Variants in FRMD4A observed in about 807,000 individuals in gnomAD.
FRMD4A encodes the protein FERM domain containing 4A, also known as FERM domain-containing protein 4A.
Under a neutral mutation model 129.1 loss-of-function variants are expected in FRMD4A, and 29 were observed. The observed-to-expected ratio is 0.22, with a 90% CI of 0.17 to 0.31. The LOEUF is 0.31. FRMD4A is among the 10% of genes least tolerant of loss of function. FRMD4A has a pLI of 1.00. For missense variants in FRMD4A, 1,272 were observed against 1,375.8 expected (o/e 0.92, Z 1.19); for synonymous variants, 634 against 571.6 (o/e 1.11, Z -1.56).
At chr10:13,918,627 C>T (rs1053886355) in intron 2 of FRMD4A, among the ~76,000 whole-genome samples, 14 of 152,014 alleles carry the variant, frequency 9.2e-5, no homozygotes, top group Admixed American at 6.6e-4. Flanking sequence ...CTTCCGGATT[C>T]AAGTGATTCT....
chr10:14,095,427 C>A lies in FRMD4A; in HGVS notation c.45+234631G>T, dbSNP rs546695627. On this transcript the variant is annotated intron_variant, in intron 2 of 24. Coordinates refer to ENST00000357447, the MANE Select transcript of FRMD4A (RefSeq NM_018027.5). ...CACTGGGCCACTCACTGATTTGATGCCATTTTTATTGTAATTTACAGTTGT... is the reference window on the plus strand; with the variant it reads ...CACTGGGCCACTCACTGATTTGATGACATTTTTATTGTAATTTACAGTTGT... Among the ~76,000 whole-genome samples the A allele has an allele frequency of 9.8e-5, 15 of 152,314 alleles. No individual in the cohort carries two copies. The South Asian group carries it at 2.9e-3, about 29-fold the overall frequency.
At chr10:14,117,386 G>C (rs372558432) in intron 2 of FRMD4A, among the ~76,000 whole-genome samples, 31 of 152,370 alleles carry the variant, frequency 2.0e-4, no homozygotes, top group African/African-American at 7.0e-4. Flanking sequence ...GCAACAACCT[G>C]TTGGCCTCCC....
In FRMD4A at chr10:13,663,448, C is replaced by T; in HGVS notation, c.1660+5G>A. ...GGTTTGTAAGCAGGAAATGCATAAA[C>T]CTACCATCCTCAAGAACAAGGGCAT... is the stretch of plus-strand genomic sequence containing the variant. On this transcript the variant is annotated splice_donor_5th_base_variant and intron_variant, in intron 19 of 24. Transcript: ENST00000357447. 1 of 1,435,172 alleles carries T rather than the reference C, an allele frequency of 7.0e-7. No homozygotes were observed. The highest frequency in any genetic ancestry group is 9.8e-7 in the Non-Finnish European group (1 of 1,016,372). The allele number at this position is 1,435,172 out of a possible 1,614,324, so 88.9% of individuals were successfully genotyped here.
Position 13,704,706 on chromosome 10 carries a change from C to T in FRMD4A, c.836+2331G>A, listed in dbSNP as rs536402622. Among the ~76,000 whole-genome samples the T allele has an allele frequency of 3.9e-5, 6 of 152,296 alleles. No homozygotes were observed. The South Asian group carries it at 1.2e-3, about 32-fold the overall frequency. On this transcript the variant is annotated intron_variant, in intron 13 of 24. Coordinates refer to ENST00000357447, the MANE Select transcript of FRMD4A (RefSeq NM_018027.5). ...CAGACCTCCTAGGTTCAAATCCTGC[C>T]TCTCCTGTATACTAGCTACTTGTCG...
At chr10:13,706,840 C>T (rs142543973) in intron 13 of FRMD4A, among the ~76,000 whole-genome samples, 197 bp downstream of exon 13, 3 of 151,706 alleles carry the variant, frequency 2.0e-5, no homozygotes, top group Non-Finnish European at 4.4e-5. Context: ...CACACACGTG[C>T]GAACCCACTG....
intron 2 of FRMD4A, among the ~76,000 whole-genome samples, chr10:14,157,381 C>T (rs1233065645): frequency 1.3e-5 from 2 of 152,234 alleles, no homozygotes; most frequent in African/African-American, 4.8e-5. Flanking sequence ...ATACCACCAA[C>T]CACGGCACGA....
chr10:13,722,820 C>T (rs2089550043), intron 12 of FRMD4A, among the ~76,000 whole-genome samples: 1 of 152,252 alleles, frequency 6.6e-6, no homozygotes, highest in African/African-American at 2.4e-5. Flanking sequence ...TTAGACAGAT[C>T]TCCATGCTGG....
intron 4 of FRMD4A, among the ~76,000 whole-genome samples, chr10:13,800,508 C>T (rs1044360096): frequency 1.3e-5 from 2 of 152,102 alleles, no homozygotes; most frequent in Non-Finnish European, 2.9e-5. Context: ...CTCTGGCCAC[C>T]AGCTCAAAGA....
intron 3 of FRMD4A, among the ~76,000 whole-genome samples, chr10:13,845,488 C>T (rs1379374690): frequency 6.6e-6 from 1 of 152,164 alleles, no homozygotes. Context: ...ATAATAGCAC[C>T]ATAAATTATG....
intron 2 of FRMD4A, among the ~76,000 whole-genome samples, chr10:14,031,161 C>T (rs1011990849): frequency 1.3e-5 from 2 of 152,144 alleles, no homozygotes; most frequent in Admixed American, 6.5e-5. Context: ...CAGGAATGAT[C>T]GCCTGGGCTT....
chr10:14,134,254 T>TGGATGGATGGAC (rs1839415166), intron 2 of FRMD4A, among the ~76,000 whole-genome samples: 1 of 130,714 alleles, frequency 7.7e-6, no homozygotes, highest in Non-Finnish European at 1.5e-5. Flanking sequence ...AAAGAATGGA[T>TGGATGGATGGAC]GGATGGATGG....
chr10:13,990,356 A>C (rs2095599009), intron 2 of FRMD4A, among the ~76,000 whole-genome samples: 2 of 152,070 alleles, frequency 1.3e-5, no homozygotes, highest in African/African-American at 4.8e-5. Flanking sequence ...TGGGACAAGG[A>C]GGGAGGAGGA....
intron 2 of FRMD4A, among the ~76,000 whole-genome samples, chr10:14,116,369 C>G (rs1036706188): frequency 6.6e-6 from 1 of 152,216 alleles, no homozygotes; most frequent in Non-Finnish European, 1.5e-5. Flanking sequence ...GTTCATTCCT[C>G]TGTTAAGATC....
intron 2 of FRMD4A, among the ~76,000 whole-genome samples, chr10:14,264,548 G>C (rs1205601093): frequency 6.5e-5 from 9 of 138,856 alleles, no homozygotes; most frequent in Non-Finnish European, 1.4e-4. Context: ...ACTATACCAT[G>C]TACTGTATAC....
chr10:13,873,603 A>G (rs1450909436), intron 2 of FRMD4A, among the ~76,000 whole-genome samples: 3 of 152,250 alleles, frequency 2.0e-5, no homozygotes, highest in African/African-American at 7.2e-5. Flanking sequence ...CTGGAGTGCA[A>G]TGGTACGATC....
chr10:13,816,141 C>T (rs2093538554), intron 3 of FRMD4A, among the ~76,000 whole-genome samples: 1 of 152,182 alleles, frequency 6.6e-6, no homozygotes, highest in African/African-American at 2.4e-5. Flanking sequence ...TTACTTTACA[C>T]AACAGTTATT....
chr10:13,825,188 GCCAGCAT>G (rs2093683667), intron 3 of FRMD4A, among the ~76,000 whole-genome samples: 1 of 152,172 alleles, frequency 6.6e-6, no homozygotes, highest in African/African-American at 2.4e-5. Context: ...TCTAACAGAT[GCCAGCAT>G]CACTACACTT....
At position 13,870,435 on chromosome 10, in the gene FRMD4A, G is replaced by A. The variant is rs80129239; in HGVS notation, c.46-11523C>T. 6.7e-3 allele frequency among the ~76,000 whole-genome samples: 1,023 copies of A among 152,254 alleles called. 24 individuals carry two copies. The highest frequency in any genetic ancestry group is 0.041 in the East Asian group (210 of 5,172). ...TCCAAGGACCATCCTCTCCCTTGCC[G>A]TGGGGCCTGGCCCATGCTGTTACCT... On this transcript the variant is annotated intron_variant, in intron 2 of 24. Coordinates refer to ENST00000357447, the MANE Select transcript of FRMD4A (RefSeq NM_018027.5).
At chr10:13,850,591 C>T (rs1477530713) in intron 3 of FRMD4A, among the ~76,000 whole-genome samples, 1 of 152,238 alleles carries the variant, frequency 6.6e-6, no homozygotes. Flanking sequence ...GTAAGCCCAT[C>T]TTCCATTGCA....
Sources: allele counts gnomAD v4.1 joint callset (sites outside exome capture counted in the v4.1 genomes callset), GRCh38; gene constraint gnomAD v4.1.1; transcripts MANE v1.5; gene names NCBI Gene and HGNC (gene_info 2026-07-23, HGNC 2026-07-21).